PFKP: variants seen among roughly 807,000 people sequenced by gnomAD.
The protein encoded by PFKP is phosphofructokinase, platelet.
A neutral mutation model predicts 94.3 loss-of-function variants in PFKP; 101 were observed. The ratio of observed to expected loss-of-function variants is 1.07; its 90% CI spans 0.91 to 1.26. PFKP has a LOEUF of 1.26. Among genes scored for constraint, PFKP ranks in the 50% most tolerant of loss-of-function variants. The pLI, the probability that PFKP is intolerant of heterozygous loss-of-function variation, is 0.00. For missense variants in PFKP, 1,145 were observed against 1,103.3 expected (o/e 1.04, Z -0.53); for synonymous variants, 573 against 432.6 (o/e 1.32, Z -4.03).
At chr10:3,105,904 C>T (rs185893640) in intron 7 of PFKP, among the ~76,000 whole-genome samples, 27 of 152,294 alleles carry the variant, frequency 1.8e-4, no homozygotes, top group African/African-American at 5.1e-4. Context: ...ATGGAGTGGT[C>T]GCTATGTTCC....
chr10:3,121,460 T>C (rs761869267), intron 16 of PFKP, among the ~76,000 whole-genome samples: 3 of 152,212 alleles, frequency 2.0e-5, no homozygotes, highest in South Asian at 4.1e-4. Context: ...TGAAGCTTCT[T>C]TTTTCCCTAA....
Position 3,120,010 on chromosome 10 carries a change from TC to T in PFKP, c.1650del (p.Ile550MetfsTer7). 6.2e-7 allele frequency: 1 copy of T among 1,614,140 alleles called. No individual in the cohort carries two copies. The highest frequency in any genetic ancestry group is 8.5e-7 in the Non-Finnish European group (1 of 1,180,024). On this transcript the variant is annotated frameshift_variant, in exon 16 of 22. Coordinates refer to ENST00000381125, the MANE Select transcript of PFKP (RefSeq NM_002627.5). LOFTEE classifies it high-confidence loss of function. ...AATGTGCCGGGTTCCGATTTCAGCA[TC>T]GGGGCAGACACCGCCCTGAACACTA... Reference protein sequence around the residue: ...SNNVPGSDFSIGADTALNTIT... With the variant: ...SNNVPGSDFSXGADTALNTIT...
At chr10:3,125,244 G>GT in intron 16 of PFKP, 1 of 1,315,670 alleles carries the variant, frequency 7.6e-7, no homozygotes, top group Non-Finnish European at 1.0e-6. Context: ...GAATGCTGTT[G>GT]TTGAGGTAAG....
chr10:3,071,076 G>C (rs1331841711), intron 1 of PFKP, among the ~76,000 whole-genome samples: 1 of 152,042 alleles, frequency 6.6e-6, no homozygotes, highest in Non-Finnish European at 1.5e-5. Context: ...ATGTTTTTCA[G>C]GGACCTTTCT....
At chr10:3,130,010 C>T (rs375578663) in intron 17 of PFKP, 27 bp downstream of exon 17, 15 of 1,545,280 alleles carry the variant, frequency 9.7e-6, no homozygotes, top group East Asian at 2.3e-5. Flanking sequence ...GCCTCAGGGC[C>T]CGTCCCCTTG....
At chr10:3,118,702 G>A (rs902518706) in intron 14 of PFKP, 80 bp from the exon 15 acceptor site, 4 of 936,366 alleles carry the variant, frequency 4.3e-6, no homozygotes, top group Middle Eastern at 2.4e-4. Flanking sequence ...GAAGGCGGCC[G>A]GGTGGGGACC....
chr10:3,121,096 G>GT, intron 16 of PFKP, among the ~76,000 whole-genome samples: 1 of 152,282 alleles, frequency 6.6e-6, no homozygotes, highest in African/African-American at 2.4e-5. Flanking sequence ...AGCTCATATG[G>GT]TAAGTAATGC....
intron 9 of PFKP, among the ~76,000 whole-genome samples, 191 bp downstream of exon 9, chr10:3,108,984 C>T (rs1177184475): frequency 2.0e-5 from 3 of 152,100 alleles, no homozygotes; most frequent in Non-Finnish European, 2.9e-5. Flanking sequence ...CATTCAGATG[C>T]GGGGAGAGCT....
intron 1 of PFKP, among the ~76,000 whole-genome samples, chr10:3,074,174 A>G (rs1356681756): frequency 6.6e-6 from 1 of 152,186 alleles, no homozygotes; most frequent in African/African-American, 2.4e-5. Flanking sequence ...TGTGCATGTT[A>G]ACAGACTGCC....
chr10:3,102,496 A>G (rs1835117802), intron 4 of PFKP, among the ~76,000 whole-genome samples: 1 of 151,674 alleles, frequency 6.6e-6, no homozygotes, highest in Non-Finnish European at 1.5e-5. Context: ...TCACTGCAAC[A>G]TCTGCCTCCT....
chr10:3,108,869 G>A (rs541248605), intron 9 of PFKP, 76 bp downstream of exon 9: 36 of 1,051,064 alleles, frequency 3.4e-5, no homozygotes, highest in Admixed American at 6.8e-5. Context: ...GGCACCAGCC[G>A]GCCACAGAGG....
At position 3,110,365 on chromosome 10, in the gene PFKP, A is replaced by ATTTTTTT. The variant is rs57980780; in HGVS notation, c.1089+903_1089+909dup. On this transcript the variant is annotated intron_variant, in intron 10 of 21. Transcript: ENST00000381125. ...AGGTGCCCACCACCACGCCTGGCTA[A>ATTTTTTT]TTTTTTTTTTTTTTTTTTTTTTTTG... Among the ~76,000 whole-genome samples the ATTTTTTT allele has an allele frequency of 1.2e-4, 11 of 92,574 alleles. 1 individual carries two copies. The highest frequency in any genetic ancestry group is 3.4e-4 in the East Asian group (1 of 2,976). The allele number at this position is 92,574 out of a possible 152,430, so 60.7% of individuals were successfully genotyped here. A position where few individuals can be genotyped will look rare whatever the true frequency, so the allele number is the denominator to read the frequency against.
intron 1 of PFKP, among the ~76,000 whole-genome samples, chr10:3,077,279 T>TTA (rs1832686168): frequency 8.1e-6 from 1 of 123,856 alleles, no homozygotes. Flanking sequence ...TTTTTTTTTT[T>TTA]TGAGATGGAA....
chr10:3,069,312 G>T (rs1230925839), intron 1 of PFKP: 7 of 1,556,968 alleles, frequency 4.5e-6, no homozygotes, highest in Middle Eastern at 1.7e-4. Context: ...ATGCAGCAGA[G>T]GATGGGATTG....
intron 16 of PFKP, among the ~76,000 whole-genome samples, chr10:3,124,354 AC>A (rs1837715717): frequency 6.6e-6 from 1 of 152,118 alleles, no homozygotes; most frequent in Non-Finnish European, 1.5e-5. Context: ...TCCTGCTGTG[AC>A]TTTGGTTAAC....
At position 3,092,380 on chromosome 10, in the gene PFKP, G is replaced by C. The variant is rs539895869; in HGVS notation, c.187-6895G>C. Among the ~76,000 whole-genome samples the C allele has an allele frequency of 2.3e-3, 345 of 152,334 alleles. 3 individuals carry two copies. The highest frequency in any genetic ancestry group is 3.5e-3 in the Non-Finnish European group (239 of 68,038). The stretch of plus-strand genomic sequence containing the variant: ...GATGTAGATAGCAGAGGCTGGGAAG[G>C]GGGTGTGGACAGGAGGGGATGCAGA... On this transcript the variant is annotated intron_variant, in intron 2 of 21. Transcript: ENST00000381125.
chr10:3,102,250 CAAAAAAA>C (rs757381364), intron 4 of PFKP, among the ~76,000 whole-genome samples: 2 of 54,776 alleles, frequency 3.7e-5, no homozygotes, highest in Middle Eastern at 0.025. Context: ...GACTCTGTCT[CAAAAAAA>C]AAAAAAAAAA....
intron 14 of PFKP, 57 bp from the exon 15 acceptor site, chr10:3,118,725 T>G (rs3829913): frequency 7.6e-6 from 10 of 1,317,964 alleles, no homozygotes; most frequent in Non-Finnish European, 8.7e-6. Flanking sequence ...CGTGGCGTCC[T>G]GCGGACCGCG....
chr10:3,119,620 AAAC>A (rs923511253), intron 15 of PFKP, among the ~76,000 whole-genome samples: 2 of 152,068 alleles, frequency 1.3e-5, no homozygotes, highest in Admixed American at 6.6e-5. Flanking sequence ...ACAAAAACAA[AAAC>A]AAAGTAAGAA....
Sources: allele counts gnomAD v4.1 joint callset (sites outside exome capture counted in the v4.1 genomes callset), GRCh38; gene constraint gnomAD v4.1.1; transcripts MANE v1.5; gene names NCBI Gene and HGNC (gene_info 2026-07-23, HGNC 2026-07-21).